NKAIN2: variants seen among roughly 807,000 people sequenced by gnomAD.
NKAIN2 encodes sodium/potassium-transporting ATPase subunit beta-1-interacting protein 2.
Under a neutral mutation model 32.6 loss-of-function variants are expected in NKAIN2, and 14 were observed. That is an observed-to-expected ratio of 0.43 (90% CI 0.28 to 0.67). The LOEUF is 0.67. Ranked by LOEUF, NKAIN2 falls within the 30% of genes least tolerant of loss-of-function variation. The pLI is 0.17. For synonymous variants in NKAIN2, 80 were observed against 87.2 expected (o/e 0.92, Z 0.46); for missense variants, 198 against 258.3 (o/e 0.77, Z 1.60).
In NKAIN2 at chr6:123,812,017, T is replaced by C. The variant is rs78996553; in HGVS notation, c.54+7763T>C. Among the ~76,000 whole-genome samples, 262 of 152,286 alleles carry C rather than the reference T, an allele frequency of 1.7e-3. 3 individuals are homozygous for C. The East Asian group carries it at 0.038, about 22-fold the overall frequency. On this transcript the variant is annotated intron_variant, in intron 1 of 6. Coordinates refer to ENST00000368417, the MANE Select transcript of NKAIN2 (RefSeq NM_001040214.3). ...CTGTGGACACTAGTTCAGCAAGACA[T>C]TCTACTGAGCAAGAACTCTTATGCC...
chr6:124,425,679 A>G (rs1349010404), intron 3 of NKAIN2, among the ~76,000 whole-genome samples: 1 of 152,120 alleles, frequency 6.6e-6, no homozygotes, highest in African/African-American at 2.4e-5. Context: ...CGTACCTACC[A>G]ATGGTCAATA....
intron 3 of NKAIN2, among the ~76,000 whole-genome samples, chr6:124,528,302 A>G (rs527355192): frequency 1.2e-4 from 19 of 152,358 alleles, no homozygotes; most frequent in African/African-American, 4.6e-4. Flanking sequence ...ATTTAACTTC[A>G]GCACTTTGTT....
chr6:124,431,499 G>A (rs111379620), intron 3 of NKAIN2, among the ~76,000 whole-genome samples: 42 of 152,108 alleles, frequency 2.8e-4, no homozygotes, highest in African/African-American at 8.9e-4. Context: ...TTATTGTCCC[G>A]TGAGAATTTC....
intron 3 of NKAIN2, among the ~76,000 whole-genome samples, chr6:124,462,448 T>C (rs1776570208): frequency 6.6e-6 from 1 of 151,946 alleles, no homozygotes; most frequent in East Asian, 1.9e-4. Flanking sequence ...TTTTTTCAAA[T>C]ACAAACCTCA....
intron 1 of NKAIN2, among the ~76,000 whole-genome samples, chr6:123,986,435 A>G (rs1779139954): frequency 6.6e-6 from 1 of 152,144 alleles, no homozygotes; most frequent in Admixed American, 6.6e-5. Flanking sequence ...CCAGGTATAT[A>G]TACTGGGGCA....
intron 1 of NKAIN2, among the ~76,000 whole-genome samples, chr6:124,245,437 A>G (rs921623404): frequency 6.6e-6 from 1 of 152,032 alleles, no homozygotes; most frequent in South Asian, 2.1e-4. Context: ...TGTTATATAT[A>G]TATTTATGGT....
rs973107637 is a variant in NKAIN2, at chr6:124,379,024, T to C, written c.273+23677T>C. 2.0e-5 allele frequency among the ~76,000 whole-genome samples: 3 copies of C among 146,914 alleles called. No homozygotes were observed. The South Asian group carries it at 6.8e-4, about 33-fold the overall frequency. On this transcript the variant is annotated intron_variant, in intron 3 of 6. Transcript: ENST00000368417. ...GGAGGATGACCTGGGCCCAGGAGTT[T>C]GAGGTTGCAGTGAGCCAAGACTGTG...
chr6:124,470,798 G>A (rs1776941320), intron 3 of NKAIN2, among the ~76,000 whole-genome samples: 1 of 152,082 alleles, frequency 6.6e-6, no homozygotes. Flanking sequence ...AAAAAAACAA[G>A]AACAGAAACA....
Position 124,268,622 on chromosome 6 carries a change from T to TATC in NKAIN2, c.55-14381_55-14380insCAT, listed in dbSNP as rs1794610285. Among the ~76,000 whole-genome samples, 5 of 152,122 alleles carry TATC rather than the reference T, an allele frequency of 3.3e-5. No homozygotes were observed. The South Asian group carries it at 1.0e-3, about 31-fold the overall frequency. On this transcript the variant is annotated intron_variant, in intron 1 of 6. Transcript: ENST00000368417. ...CAATGAATGCACTGAAAAGAAATGA[T>TATC]ATGATGAGTTCATGGAACTAGAAAA...
chr6:123,857,116 A>G (rs770180760), intron 1 of NKAIN2, among the ~76,000 whole-genome samples: 1 of 152,188 alleles, frequency 6.6e-6, no homozygotes, highest in Non-Finnish European at 1.5e-5. Context: ...TGGGAAAGCT[A>G]TGAAACCTCT....
chr6:124,351,767 C>T (rs111415547), intron 2 of NKAIN2, among the ~76,000 whole-genome samples: 2,428 of 152,004 alleles, frequency 0.016, 75 homozygotes, highest in African/African-American at 0.056. Context: ...GGATTACAGG[C>T]GTCTGCCACC....
At chr6:124,621,850 T>A (rs11961381) in intron 3 of NKAIN2, among the ~76,000 whole-genome samples, 5,579 of 152,234 alleles carry the variant, frequency 0.037, 371 homozygotes, top group African/African-American at 0.13. Flanking sequence ...GATCTAGTTG[T>A]CCTTCCCTCC....
At chr6:124,340,541 C>A (rs1020617947) in intron 2 of NKAIN2, among the ~76,000 whole-genome samples, 1 of 152,120 alleles carries the variant, frequency 6.6e-6, no homozygotes, top group Non-Finnish European at 1.5e-5. Context: ...TCCTCTCCCC[C>A]ACCAAGTAGA....
At chr6:124,649,913 T>C (rs773926004) in intron 3 of NKAIN2, among the ~76,000 whole-genome samples, 1 of 152,166 alleles carries the variant, frequency 6.6e-6, no homozygotes, top group Non-Finnish European at 1.5e-5. Context: ...CATCAGTAGA[T>C]GTATAAAAAG....
intron 3 of NKAIN2, among the ~76,000 whole-genome samples, chr6:124,591,148 A>T (rs2114961157): frequency 6.6e-6 from 1 of 152,348 alleles, no homozygotes; most frequent in Middle Eastern, 3.4e-3. Flanking sequence ...TCAAGAAGTG[A>T]CAAACACTTC....
At chr6:124,547,986 T>C (rs1159519547) in intron 3 of NKAIN2, among the ~76,000 whole-genome samples, 2 of 152,242 alleles carry the variant, frequency 1.3e-5, no homozygotes, top group Non-Finnish European at 2.9e-5. Context: ...CATCTGTTTC[T>C]AATATGTCTC....
chr6:124,201,016 G>A (rs1254208108), intron 1 of NKAIN2, among the ~76,000 whole-genome samples: 1 of 151,864 alleles, frequency 6.6e-6, no homozygotes, highest in African/African-American at 2.4e-5. Flanking sequence ...AATGGTTGTG[G>A]GTTTAGTTTG....
chr6:123,948,686 C>T (rs1777189472), intron 1 of NKAIN2, among the ~76,000 whole-genome samples: 1 of 123,378 alleles, frequency 8.1e-6, no homozygotes, highest in Non-Finnish European at 1.6e-5. Context: ...GAGTAGTTTA[C>T]AGATATTTTC....
At chr6:124,683,673 C>G (rs1773729052) in intron 4 of NKAIN2, among the ~76,000 whole-genome samples, 1 of 152,134 alleles carries the variant, frequency 6.6e-6, no homozygotes. Context: ...TTTGATCCCC[C>G]CCACCCTGCT....
Sources: gnomAD v4.1 joint callset for allele counts (sites outside exome capture counted in the v4.1 genomes callset) on GRCh38, gnomAD v4.1.1 for gene constraint, MANE v1.5 for transcripts, NCBI Gene and HGNC (gene_info 2026-07-23, HGNC 2026-07-21) for gene names.